The following RNF217 variants were observed in gnomAD, a reference collection of about 807,000 sequenced individuals.
The protein encoded by RNF217 is ring finger protein 217.
RNF217 carries 31 observed loss-of-function variants against 57.8 expected under a neutral mutation model. The observed-to-expected ratio is 0.54, with a 90% CI of 0.40 to 0.72. The LOEUF is 0.72. Among genes scored for constraint, RNF217 ranks in the 30% least tolerant of loss-of-function variants. The probability of loss-of-function intolerance (pLI) is 0.00; values close to 1 mark genes in which losing one functional copy is unlikely to be tolerated. For synonymous variants in RNF217, 313 were observed against 294.0 expected (o/e 1.06, Z -0.66); for missense variants, 696 against 708.3 (o/e 0.98, Z 0.20).
chr6:125,043,169 G>T (rs949862424), intron 1 of RNF217, among the ~76,000 whole-genome samples: 2 of 151,944 alleles, frequency 1.3e-5, no homozygotes, highest in African/African-American at 4.8e-5. Flanking sequence ...TTTAAGAGCC[G>T]TCCCAAGGCT....
chr6:124,979,816 G>T (rs775865238), intron 1 of RNF217, among the ~76,000 whole-genome samples: 1 of 152,174 alleles, frequency 6.6e-6, no homozygotes, highest in Admixed American at 6.5e-5. Context: ...GGGTTGAGTT[G>T]GCAAGAGTAG....
intron 1 of RNF217, among the ~76,000 whole-genome samples, chr6:124,965,909 A>G (rs1412223956): frequency 3.9e-5 from 6 of 152,238 alleles, no homozygotes; most frequent in Non-Finnish European, 8.8e-5. Context: ...CATTATTTGT[A>G]CAGGTCTGTA....
At chr6:125,080,901 G>A (rs566291151) in intron 4 of RNF217, among the ~76,000 whole-genome samples, 9 of 151,924 alleles carry the variant, frequency 5.9e-5, no homozygotes, top group Non-Finnish European at 1.3e-4. Flanking sequence ...ATCTTGAAAC[G>A]TCCCATTTTT....
At chr6:124,963,668 T>C (rs1783404350) in intron 1 of RNF217, among the ~76,000 whole-genome samples, 1 of 152,230 alleles carries the variant, frequency 6.6e-6, no homozygotes, top group Admixed American at 6.5e-5. Flanking sequence ...AGGCACAAGA[T>C]ACAAGTTGTT....
At chr6:125,080,369 G>A (rs901504037) in intron 4 of RNF217, among the ~76,000 whole-genome samples, 1 of 152,192 alleles carries the variant, frequency 6.6e-6, no homozygotes, top group South Asian at 2.1e-4. Context: ...TGGTTCCAAA[G>A]ATCATTTCTT....
chr6:124,992,852 C>A (rs1292904771), intron 1 of RNF217, among the ~76,000 whole-genome samples: 1 of 151,530 alleles, frequency 6.6e-6, no homozygotes, highest in Non-Finnish European at 1.5e-5. Context: ...TAAATTTATC[C>A]TTAGTTGCTT....
At chr6:125,077,657 C>T (rs1244935521) in intron 4 of RNF217, among the ~76,000 whole-genome samples, 1 of 152,180 alleles carries the variant, frequency 6.6e-6, no homozygotes, top group Non-Finnish European at 1.5e-5. Flanking sequence ...GAATGTATTC[C>T]ATTCCCTGCT....
At chr6:125,020,302 T>C (rs2114408259) in intron 1 of RNF217, among the ~76,000 whole-genome samples, 1 of 152,310 alleles carries the variant, frequency 6.6e-6, no homozygotes, top group East Asian at 1.9e-4. Context: ...TAGAATGTGG[T>C]ATGTGCCTAT....
At chr6:124,996,285 T>C (rs892360251) in intron 1 of RNF217, among the ~76,000 whole-genome samples, 1 of 152,146 alleles carries the variant, frequency 6.6e-6, no homozygotes, top group African/African-American at 2.4e-5. Context: ...GCTTTTTTTA[T>C]TTTTGAAGAT....
chr6:125,064,881 C>A (rs1002320342), intron 3 of RNF217, among the ~76,000 whole-genome samples: 2 of 151,454 alleles, frequency 1.3e-5, no homozygotes, highest in African/African-American at 2.4e-5. Flanking sequence ...ATGTAGTGTA[C>A]CTTAAAACCA....
chr6:125,012,645 A>G (rs1001148927), intron 1 of RNF217, among the ~76,000 whole-genome samples: 1 of 152,134 alleles, frequency 6.6e-6, no homozygotes, highest in African/African-American at 2.4e-5. Context: ...ATTTGTTCCT[A>G]TGTTTTCCTT....
intron 1 of RNF217, among the ~76,000 whole-genome samples, chr6:125,010,447 A>G (rs1785374544): frequency 6.6e-6 from 1 of 152,186 alleles, no homozygotes; most frequent in South Asian, 2.1e-4. Context: ...TCTCTTCTAA[A>G]CAAGCAATTC....
intron 1 of RNF217, among the ~76,000 whole-genome samples, chr6:124,985,838 A>G (rs1366862184): frequency 1.3e-5 from 2 of 152,204 alleles, no homozygotes; most frequent in African/African-American, 4.8e-5. Context: ...AGAATGATAA[A>G]ATATTAACAT....
intron 1 of RNF217, among the ~76,000 whole-genome samples, chr6:124,993,525 C>G (rs1309513584): frequency 2.6e-5 from 4 of 152,220 alleles, no homozygotes; most frequent in Admixed American, 2.0e-4. Flanking sequence ...TGAGGGCTTT[C>G]TAGTTGTGGC....
chr6:124,971,905 T>C (rs2114991380), intron 1 of RNF217, among the ~76,000 whole-genome samples: 1 of 152,314 alleles, frequency 6.6e-6, no homozygotes, highest in East Asian at 1.9e-4. Flanking sequence ...TCTCACTTTG[T>C]ATACTGTTAG....
rs142610684 is a variant in RNF217 at position 125,058,056 on chromosome 6, A to G, written c.1231A>G (p.Ser411Gly). 2.9e-3 allele frequency: 4,611 copies of G among 1,613,582 alleles called. 9 individuals carry two copies. Among genetic ancestry groups the G allele is most frequent in the Admixed American group, 5.1e-3 (303 of 59,974 alleles). ...KGDKLLRHWA[S>G]EIEHGQRNAQ... Reference sequence around the variant, plus strand: ...AGACAAATTGTTGCGTCACTGGGCCAGCGAAATTGAGCATGGGCAGAGGAA... The same window carrying G: ...AGACAAATTGTTGCGTCACTGGGCCGGCGAAATTGAGCATGGGCAGAGGAA... The change falls in exon 3 of 6, where the codon AGC becomes GGC. Residue 411 changes from serine to glycine, a missense_variant. Around this residue, in one of 2 missense-constraint regions of RNF217, gnomAD observed 231 missense variants for 321.4 expected, o/e 0.72. Transcript: ENST00000521654.
At chr6:125,057,409 T>C (rs1787564510) in intron 2 of RNF217, among the ~76,000 whole-genome samples, 1 of 152,302 alleles carries the variant, frequency 6.6e-6, no homozygotes, top group Admixed American at 6.5e-5. Flanking sequence ...CTTTAACTCC[T>C]GACCTCAAGT....
rs200458642 is a variant in RNF217 at position 124,978,201 on chromosome 6, A to ATT, written c.882+14776_882+14777dup. ...AATATGGGGCCATGTATATGAATAA[A>ATT]TTGTGTTACAGGATTCCTTCTGTGC... On this transcript the variant is annotated intron_variant, in intron 1 of 5. Transcript: ENST00000521654. Among the ~76,000 whole-genome samples, 1,024 of 152,114 alleles carry ATT rather than the reference A, an allele frequency of 6.7e-3. 9 individuals carry two copies. The highest frequency in any genetic ancestry group is 0.024 in the African/African-American group (981 of 41,484).
chr6:125,047,735 A>G (rs1008107830), intron 2 of RNF217, among the ~76,000 whole-genome samples: 4 of 152,054 alleles, frequency 2.6e-5, no homozygotes, highest in Non-Finnish European at 4.4e-5. Context: ...ATTCCTTTTG[A>G]TTAGTAGAGG....
Sources: allele counts gnomAD v4.1 joint callset (sites outside exome capture counted in the v4.1 genomes callset), GRCh38; gene constraint gnomAD v4.1.1; regional missense constraint gnomAD v4.1.1; transcripts MANE v1.5; gene names NCBI Gene and HGNC (gene_info 2026-07-23, HGNC 2026-07-21).